The following POU2F1 variants were observed in gnomAD, a reference collection of about 807,000 sequenced individuals.
POU2F1 encodes POU class 2 homeobox 1.
POU2F1 carries 16 observed loss-of-function variants against 84.9 expected under a neutral mutation model. The observed-to-expected ratio is 0.19, with a 90% CI of 0.13 to 0.29. The LOEUF (loss-of-function observed/expected upper bound fraction) is 0.29, where lower values mean the gene tolerates loss of function less well. POU2F1 is among the 10% of genes least tolerant of loss of function. POU2F1 has a pLI of 1.00. For missense variants in POU2F1, 738 were observed against 942.6 expected (o/e 0.78, Z 2.84); for synonymous variants, 368 against 368.3 (o/e 1.00, Z 0.01).
rs1000391195 is a variant in POU2F1, at chr1:167,419,214, T to G, written c.*3404T>G. 6.6e-6 allele frequency: 1 copy of G among 152,208 alleles called. No individual in the cohort carries two copies. The highest frequency in any genetic ancestry group is 2.4e-5 in the African/African-American group (1 of 41,458). The allele number at this position is 152,208 out of a possible 1,614,324, so 9.4% of individuals were successfully genotyped here. A position where few individuals can be genotyped will look rare whatever the true frequency, so the allele number is the denominator to read the frequency against. On this transcript the variant is annotated 3_prime_UTR_variant, in exon 16 of 16. Coordinates refer to ENST00000367866, the MANE Select transcript of POU2F1 (RefSeq NM_002697.4). ...TTTAGCCACCTTATATGGGAGAGCC[T>G]GGAAACTAAAGGGGACCAGGGACCA...
intron 13 of POU2F1, among the ~76,000 whole-genome samples, chr1:167,405,879 A>G (rs1649540636): frequency 6.6e-6 from 1 of 152,242 alleles, no homozygotes; most frequent in Non-Finnish European, 1.5e-5. Flanking sequence ...AAAAGGATTA[A>G]AATCATACAA....
At chr1:167,259,970 C>G (rs1399011421) in intron 1 of POU2F1, among the ~76,000 whole-genome samples, 4 of 151,994 alleles carry the variant, frequency 2.6e-5, no homozygotes, top group Non-Finnish European at 5.9e-5. Context: ...GCTTCGCCTT[C>G]TGGGTTCACG....
intron 1 of POU2F1, among the ~76,000 whole-genome samples, chr1:167,251,075 A>G (rs577619892): frequency 5.3e-5 from 8 of 152,350 alleles, no homozygotes; most frequent in South Asian, 2.1e-4. Context: ...AACATCTCAT[A>G]TGAGTAGAAC....
intron 2 of POU2F1, among the ~76,000 whole-genome samples, chr1:167,334,481 A>G (rs1478715003): frequency 6.6e-6 from 1 of 152,202 alleles, no homozygotes; most frequent in African/African-American, 2.4e-5. Context: ...CCAGCCAGGA[A>G]ATAAAGTCAG....
chr1:167,241,801 T>C (rs185273811), intron 1 of POU2F1, among the ~76,000 whole-genome samples: 18 of 152,308 alleles, frequency 1.2e-4, no homozygotes, highest in Admixed American at 1.1e-3. Context: ...AAAACTGAGG[T>C]ACAACGAAGT....
At chr1:167,266,823 C>T (rs1327359143) in intron 1 of POU2F1, among the ~76,000 whole-genome samples, 1 of 151,932 alleles carries the variant, frequency 6.6e-6, no homozygotes, top group Non-Finnish European at 1.5e-5. Flanking sequence ...GGGGTTATAT[C>T]GTGTTGGCCA....
At position 167,329,062 on chromosome 1, in the gene POU2F1, G is replaced by A. The variant is rs952619203; in HGVS notation, c.62-3408G>A. ...GAGACTAAAACTCCTCTGAGCAACT[G>A]AAGTTTCCTTATTCAGTTGAAGATT... On this transcript the variant is annotated intron_variant, in intron 1 of 15. Coordinates refer to ENST00000367866, the MANE Select transcript of POU2F1 (RefSeq NM_002697.4). The A allele has an allele frequency of 5.0e-6, 6 of 1,205,364 alleles. No homozygotes were observed. The African/African-American group carries it at 9.5e-5, about 19-fold the overall frequency. 74.7% of individuals were successfully genotyped at this position (1,205,364 alleles called of 1,614,324 possible).
Position 167,291,112 on chromosome 1 carries a change from G to A in POU2F1, c.62-41358G>A, listed in dbSNP as rs145617695. 1.8e-3 allele frequency among the ~76,000 whole-genome samples: 269 copies of A among 151,740 alleles called. 6 individuals carry two copies. The highest frequency in any genetic ancestry group is 0.014 in the Admixed American group (221 of 15,258). On this transcript the variant is annotated intron_variant, in intron 1 of 15. Coordinates refer to ENST00000367866, the MANE Select transcript of POU2F1 (RefSeq NM_002697.4). ...AAATATGCATTTCTGAAGGAGAGGCGTCAGTGTGAAGAACACTCATCTGAA... is the reference window on the plus strand; with the variant it reads ...AAATATGCATTTCTGAAGGAGAGGCATCAGTGTGAAGAACACTCATCTGAA...
At chr1:167,399,410 G>T in intron 12 of POU2F1, 45 bp downstream of exon 12, 2 of 1,516,450 alleles carry the variant, frequency 1.3e-6, no homozygotes, top group South Asian at 1.3e-5. Context: ...GCTAATTTTT[G>T]CAATTTTACA....
intron 1 of POU2F1, among the ~76,000 whole-genome samples, chr1:167,316,894 T>C (rs1655942285): frequency 1.3e-5 from 2 of 152,136 alleles, no homozygotes; most frequent in Admixed American, 6.5e-5. Context: ...AACTCTAATA[T>C]TATTTTTATT....
intron 2 of POU2F1, among the ~76,000 whole-genome samples, chr1:167,356,551 C>T (rs886932412): frequency 2.0e-5 from 3 of 151,964 alleles, no homozygotes; most frequent in Non-Finnish European, 4.4e-5. Flanking sequence ...AAATGTGTTA[C>T]CGGTAGAAGG....
intron 7 of POU2F1, among the ~76,000 whole-genome samples, chr1:167,382,333 T>TA (rs1647628228): frequency 6.6e-6 from 1 of 152,116 alleles, no homozygotes; most frequent in Admixed American, 6.5e-5. Flanking sequence ...AGGGAGAGGT[T>TA]ACCACACCTA....
intron 1 of POU2F1, among the ~76,000 whole-genome samples, chr1:167,259,392 T>C (rs1651381956): frequency 6.6e-6 from 1 of 152,194 alleles, no homozygotes; most frequent in African/African-American, 2.4e-5. Context: ...TAGTAAACCA[T>C]CTACCGCAAT....
intron 2 of POU2F1, among the ~76,000 whole-genome samples, chr1:167,357,276 GTTTA>G (rs200752900): frequency 2.1e-5 from 3 of 144,978 alleles, no homozygotes; most frequent in Non-Finnish European, 3.0e-5. Context: ...AAACTATGAT[GTTTA>G]TTTATTTTAA....
chr1:167,364,255 C>G (rs1186101225), intron 2 of POU2F1, among the ~76,000 whole-genome samples: 1 of 152,166 alleles, frequency 6.6e-6, no homozygotes, highest in Admixed American at 6.5e-5. Context: ...TTAAAAAGCT[C>G]TTGCATGGCT....
In POU2F1 at chr1:167,258,261, A is replaced by G. The variant is rs1447605735; in HGVS notation, c.61+37303A>G. Reference sequence around the variant, plus strand: ...TTTGCTTCATTTTCTACTGTTTCTTATAGCTTGTGAGCATCTCCATATTTT... The same window carrying G: ...TTTGCTTCATTTTCTACTGTTTCTTGTAGCTTGTGAGCATCTCCATATTTT... On this transcript the variant is annotated intron_variant, in intron 1 of 15. Coordinates refer to ENST00000367866, the MANE Select transcript of POU2F1 (RefSeq NM_002697.4). Among the ~76,000 whole-genome samples the G allele has an allele frequency of 2.6e-5, 4 of 152,184 alleles. No homozygotes were observed. The South Asian group carries it at 8.3e-4, about 31-fold the overall frequency.
chr1:167,417,039 CCTT>C lies in POU2F1; in HGVS notation c.*1233_*1235del, dbSNP rs1409119892. On this transcript the variant is annotated 3_prime_UTR_variant, in exon 16 of 16. Coordinates refer to ENST00000367866, the MANE Select transcript of POU2F1 (RefSeq NM_002697.4). ...ACTTACTGAAATTGGGAAACTTTTC[CCTT>C]CTTTTATTTTCTAAAGGAATTCTAC... is the stretch of plus-strand genomic sequence containing the variant. 6.6e-6 allele frequency: 1 copy of C among 152,092 alleles called. No homozygotes were observed. The highest frequency in any genetic ancestry group is 1.5e-5 in the Non-Finnish European group (1 of 68,024). The allele number at this position is 152,092 out of a possible 1,614,324, so 9.4% of individuals were successfully genotyped here.
At chr1:167,364,211 G>A (rs1359552609) in intron 2 of POU2F1, among the ~76,000 whole-genome samples, 2 of 152,086 alleles carry the variant, frequency 1.3e-5, no homozygotes, top group Non-Finnish European at 2.9e-5. Context: ...CCATAAATTA[G>A]CCCTATTCTA....
At chr1:167,329,154 C>G (rs1336067275) in intron 1 of POU2F1, 1 of 1,416,204 alleles carries the variant, frequency 7.1e-7, no homozygotes, top group African/African-American at 1.5e-5. Context: ...ACGCAACCCC[C>G]CTCTTTTCGC....
Sources: allele counts gnomAD v4.1 joint callset (sites outside exome capture counted in the v4.1 genomes callset), GRCh38; gene constraint gnomAD v4.1.1; transcripts MANE v1.5; gene names NCBI Gene and HGNC (gene_info 2026-07-23, HGNC 2026-07-21).